ZNF462: variants seen among roughly 807,000 people sequenced by gnomAD.
ZNF462 encodes zinc finger PBX1-interacting protein.
Under a neutral mutation model 201.9 loss-of-function variants are expected in ZNF462, and 10 were observed. The observed-to-expected ratio is 0.05, with a 90% CI of 0.03 to 0.08. The LOEUF (loss-of-function observed/expected upper bound fraction) is 0.08. Among genes scored for constraint, ZNF462 ranks in the 10% least tolerant of loss-of-function variants. ZNF462 has a pLI of 1.00. For missense variants in ZNF462, 2,523 were observed against 3,168.3 expected (o/e 0.80, Z 4.89); for synonymous variants, 1,227 against 1,193.3 (o/e 1.03, Z -0.58).
intron 7 of ZNF462, among the ~76,000 whole-genome samples, chr9:106,956,874 G>A (rs1048495612): frequency 3.3e-5 from 5 of 152,090 alleles, no homozygotes; most frequent in African/African-American, 1.2e-4. Flanking sequence ...AGATAATGAG[G>A]GCCTTGCTTT....
intron 1 of ZNF462, among the ~76,000 whole-genome samples, chr9:106,912,292 T>C (rs997421477): frequency 6.6e-6 from 1 of 152,254 alleles, no homozygotes; most frequent in Admixed American, 6.5e-5. Context: ...GTTATAGCTC[T>C]TGTTCTTCTG....
At chr9:106,994,549 C>T (rs989560928) in intron 10 of ZNF462, among the ~76,000 whole-genome samples, 5 of 152,036 alleles carry the variant, frequency 3.3e-5, no homozygotes, top group Non-Finnish European at 7.4e-5. Flanking sequence ...GCAGCTTTAG[C>T]TTTATCAACA....
chr9:106,988,851 G>A (rs1828050776), intron 10 of ZNF462, among the ~76,000 whole-genome samples: 1 of 152,088 alleles, frequency 6.6e-6, no homozygotes, highest in Non-Finnish European at 1.5e-5. Context: ...CGCTGTTGAT[G>A]TATGGAAGAG....
rs766096002 is a variant in ZNF462, at chr9:106,926,256, A to G, written c.2344A>G (p.Asn782Asp). ...CTTCAGAAACATCACCCACGATTAC[A>G]ATGCCACCAATGGGGCTGAGATTGA... is the stretch of plus-strand genomic sequence containing the variant. ...PNFRNITHDY[N>D]ATNGAEIELT... Residue 782 changes from asparagine (N) to aspartate (D), a missense_variant, in exon 3 of 13, where the codon AAT (asparagine) becomes GAT (aspartate). Physicochemically the swap from Asn to Asp is conservative, Grantham distance 23. Around this residue, in one of 15 missense-constraint regions of ZNF462, gnomAD observed 383 missense variants for 453.4 expected, o/e 0.84. Transcript: ENST00000277225. The surrounding 1 kb of genome is among the most constrained non-coding windows in gnomAD (Gnocchi z 7.9). The G allele has an allele frequency of 6.2e-7, 1 of 1,614,182 alleles. No homozygotes were observed. Among genetic ancestry groups the G allele is most frequent in the East Asian group, 2.2e-5 (1 of 44,876 alleles).
At chr9:106,982,913 G>A (rs561186835) in intron 9 of ZNF462, among the ~76,000 whole-genome samples, 21 of 152,268 alleles carry the variant, frequency 1.4e-4, no homozygotes, top group Non-Finnish European at 2.2e-4. Context: ...ACAACGTACC[G>A]ATGCCCTGGA....
In ZNF462 at chr9:106,945,069, C is replaced by T. The variant is rs976546391; in HGVS notation, c.6427+5962C>T. Among the ~76,000 whole-genome samples, 14 of 152,254 alleles carry T rather than the reference C, an allele frequency of 9.2e-5. No individual in the cohort carries two copies. The South Asian group carries it at 1.2e-3, about 14-fold the overall frequency. ...ATGAGATGATTGGGGGGAATAATTACAGCAATACCCATGAGATTAATCCAG... is the reference window on the plus strand; with the variant it reads ...ATGAGATGATTGGGGGGAATAATTATAGCAATACCCATGAGATTAATCCAG... On this transcript the variant is annotated intron_variant, in intron 7 of 12. Transcript: ENST00000277225.
In ZNF462 at chr9:107,006,830, G is replaced by A. The variant is rs1027664465; in HGVS notation, c.7190-2715G>A. On this transcript the variant is annotated intron_variant, in intron 11 of 12. Coordinates refer to ENST00000277225, the MANE Select transcript of ZNF462 (RefSeq NM_021224.6). The surrounding 1 kb of genome is among the most constrained non-coding windows in gnomAD (Gnocchi z 4.3). ...GCCTGTATTAACCTGAAAAATACATGGACAAATAAAACATCCTTACCATAT... is the reference window on the plus strand; with the variant it reads ...GCCTGTATTAACCTGAAAAATACATAGACAAATAAAACATCCTTACCATAT... Among the ~76,000 whole-genome samples, 1 of 151,932 alleles carries A rather than the reference G, an allele frequency of 6.6e-6. No individual in the cohort carries two copies. Among genetic ancestry groups the A allele is most frequent in the African/African-American group, 2.4e-5 (1 of 41,344 alleles).
intron 9 of ZNF462, chr9:106,975,141 C>T (rs1440468447): frequency 1.3e-5 from 2 of 152,234 alleles, no homozygotes; most frequent in African/African-American, 2.4e-5. Context: ...AAAAAGATTA[C>T]TGGAGTACTC....
At position 106,970,792 on chromosome 9, in the gene ZNF462, C is replaced by G. The variant is rs1034476562; in HGVS notation, c.6428-1213C>G. Among the ~76,000 whole-genome samples, 2 of 151,834 alleles carry G rather than the reference C, an allele frequency of 1.3e-5. No homozygotes were observed. Among genetic ancestry groups the G allele is most frequent in the African/African-American group, 4.9e-5 (2 of 41,196 alleles). On this transcript the variant is annotated intron_variant, in intron 7 of 12. Transcript: ENST00000277225. The surrounding 1 kb of genome is among the most constrained non-coding windows in gnomAD (Gnocchi z 4.2). ...AGGTTCAAGACCTTTTACTTTTCCT[C>G]TCCCCCAACCCCTTTATTTATTTAT...
At chr9:106,939,195 C>A in intron 7 of ZNF462, 88 bp downstream of exon 7, 1 of 1,321,068 alleles carries the variant, frequency 7.6e-7, no homozygotes. Flanking sequence ...AGAGGAAAAT[C>A]TTATGTGAAA....
chr9:106,892,433 A>G (rs1351654470), intron 1 of ZNF462, among the ~76,000 whole-genome samples: 3 of 152,164 alleles, frequency 2.0e-5, no homozygotes, highest in Admixed American at 6.5e-5. Flanking sequence ...GCCCCACTCA[A>G]TAACACCACA....
Position 107,005,154 on chromosome 9 carries a change from T to G in ZNF462, c.7189+1728T>G, listed in dbSNP as rs927313782. On this transcript the variant is annotated intron_variant, in intron 11 of 12. Transcript: ENST00000277225. The surrounding 1 kb of genome is among the most constrained non-coding windows in gnomAD (Gnocchi z 4.4). ...GCTTGATTACTTATCTTGGTTATTA[T>G]GAATAACCCTGCAGTGAACGTGAGA... is the stretch of plus-strand genomic sequence containing the variant. Among the ~76,000 whole-genome samples the G allele has an allele frequency of 2.6e-5, 4 of 152,202 alleles. No homozygotes were observed. The highest frequency in any genetic ancestry group is 9.6e-5 in the African/African-American group (4 of 41,458).
intron 7 of ZNF462, among the ~76,000 whole-genome samples, chr9:106,952,349 A>G (rs1315327765): frequency 2.0e-5 from 3 of 152,222 alleles, no homozygotes; most frequent in Non-Finnish European, 4.4e-5. Flanking sequence ...TTACTGTAGA[A>G]ATAGTAGCTA....
At chr9:106,969,322 T>C (rs904988575) in intron 7 of ZNF462, among the ~76,000 whole-genome samples, 8 of 152,232 alleles carry the variant, frequency 5.3e-5, no homozygotes, top group Non-Finnish European at 1.2e-4. Flanking sequence ...TTGGAATGCT[T>C]TTCCCGTGAC....
Position 106,934,509 on chromosome 9 carries a change from T to C in ZNF462, c.6117-994T>C, listed in dbSNP as rs1423058103. The stretch of plus-strand genomic sequence containing the variant: ...CTGGAAGAAAGGTTAGTGCCATTTA[T>C]AGAAACAAGGAAATGAAGAAGAGAA... On this transcript the variant is annotated intron_variant, in intron 5 of 12. Coordinates refer to ENST00000277225, the MANE Select transcript of ZNF462 (RefSeq NM_021224.6). Among the ~76,000 whole-genome samples, 3 of 152,192 alleles carry C rather than the reference T, an allele frequency of 2.0e-5. No homozygotes were observed. In the East Asian group the frequency reaches 5.8e-4, roughly 29 times the overall value.
intron 7 of ZNF462, among the ~76,000 whole-genome samples, chr9:106,951,849 G>GT (rs1460650600): frequency 1.0e-4 from 15 of 149,708 alleles, no homozygotes; most frequent in African/African-American, 3.2e-4. Flanking sequence ...TAACAGTGTT[G>GT]TGTTTTTTTT....
chr9:106,968,557 TGGTTGGTTGGGA>T lies in ZNF462; in HGVS notation c.6428-3447_6428-3436del, dbSNP rs1832186456. On this transcript the variant is annotated intron_variant, in intron 7 of 12. Coordinates refer to ENST00000277225, the MANE Select transcript of ZNF462 (RefSeq NM_021224.6). The surrounding 1 kb of genome is among the most constrained non-coding windows in gnomAD (Gnocchi z 4.0). ...TGTCAGGGTTGGTTGGTTGGTTGGT[TGGTTGGTTGGGA>T]ATGTATGGTGATGCTAAGCCATGAC... is the stretch of plus-strand genomic sequence containing the variant. Among the ~76,000 whole-genome samples, 1 of 152,108 alleles carries T rather than the reference TGGTTGGTTGGGA, an allele frequency of 6.6e-6. No homozygotes were observed. Among genetic ancestry groups the T allele is most frequent in the South Asian group, 2.1e-4 (1 of 4,826 alleles).
Position 106,920,853 on chromosome 9 carries a change from G to A in ZNF462, c.-30-2501G>A, listed in dbSNP as rs576587845. On this transcript the variant is annotated intron_variant, in intron 1 of 12. Coordinates refer to ENST00000277225, the MANE Select transcript of ZNF462 (RefSeq NM_021224.6). The surrounding 1 kb of genome is among the most constrained non-coding windows in gnomAD (Gnocchi z 4.3). Reference sequence around the variant, plus strand: ...GAACCGTAACTTCTGTTGATGTTGTGCAAATCAGGCTCAAACTTTCCAAAA... The same window carrying A: ...GAACCGTAACTTCTGTTGATGTTGTACAAATCAGGCTCAAACTTTCCAAAA... 2.0e-5 allele frequency among the ~76,000 whole-genome samples: 3 copies of A among 152,282 alleles called. No homozygotes were observed. Among genetic ancestry groups the A allele is most frequent in the African/African-American group, 7.2e-5 (3 of 41,552 alleles).
rs1306477919 is a variant in ZNF462, at chr9:107,006,870, TA to T, written c.7190-2674del. Among the ~76,000 whole-genome samples, 1 of 152,214 alleles carries T rather than the reference TA, an allele frequency of 6.6e-6. No homozygotes were observed. Among genetic ancestry groups the T allele is most frequent in the Non-Finnish European group, 1.5e-5 (1 of 68,038 alleles). On this transcript the variant is annotated intron_variant, in intron 11 of 12. Transcript: ENST00000277225. This position sits in a 1 kb window ranked among gnomAD's most constrained non-coding sequence, Gnocchi z 4.3. ...CCTTACCATATAGGTTGATTGTTCT[TA>T]TAAAGTTATTATTTTTATTAGTAGA...
Sources: gnomAD v4.1 joint callset for allele counts (sites outside exome capture counted in the v4.1 genomes callset) on GRCh38, gnomAD v4.1.1 for gene constraint, gnomAD v4.1.1 regional missense constraint, Gnocchi (gnomAD v3.1) non-coding constraint, MANE v1.5 for transcripts, NCBI Gene and HGNC (gene_info 2026-07-23, HGNC 2026-07-21) for gene names.